Variants in CDH13 observed in about 807,000 individuals in gnomAD.
CDH13 encodes cadherin 13.
A neutral mutation model predicts 63.8 loss-of-function variants in CDH13; 24 were observed. The observed-to-expected ratio is 0.38, with a 90% CI of 0.27 to 0.53. The LOEUF is 0.53. Ranked by LOEUF, CDH13 falls within the 20% of genes least tolerant of loss-of-function variation. CDH13 has a pLI of 0.85. For synonymous variants in CDH13, 503 were observed against 355.3 expected, an observed-to-expected ratio of 1.42 and a Z score of -4.67; for missense variants, 1,049 against 903.1, an observed-to-expected ratio of 1.16 and a Z score of -2.07.
chr16:83,311,978 C>G (rs1406288495), intron 5 of CDH13, among the ~76,000 whole-genome samples: 1 of 146,794 alleles, frequency 6.8e-6, no homozygotes, highest in African/African-American at 2.5e-5. Flanking sequence ...GAGGCTGCGG[C>G]AGGAGAATCA....
chr16:82,936,958 G>A (rs1017691150), intron 2 of CDH13, among the ~76,000 whole-genome samples: 14 of 152,138 alleles, frequency 9.2e-5, no homozygotes, highest in Admixed American at 5.2e-4. Flanking sequence ...GGCCTCTGGG[G>A]TCATGGTCCT....
At chr16:83,024,757 A>ACAAT (rs1567755048) in intron 2 of CDH13, among the ~76,000 whole-genome samples, 1 of 152,240 alleles carries the variant, frequency 6.6e-6, no homozygotes, top group Non-Finnish European at 1.5e-5. Context: ...GTCTTCACCA[A>ACAAT]CAATCCGTTT....
chr16:83,592,769 T>C (rs1906884481), intron 7 of CDH13, among the ~76,000 whole-genome samples: 1 of 151,654 alleles, frequency 6.6e-6, no homozygotes, highest in Non-Finnish European at 1.5e-5. Flanking sequence ...CAGCCACGAA[T>C]GCAAAAATAA....
intron 4 of CDH13, among the ~76,000 whole-genome samples, chr16:83,160,809 T>C (rs1388556555): frequency 1.3e-5 from 2 of 152,216 alleles, no homozygotes; most frequent in African/African-American, 2.4e-5. Context: ...GCAACCTGCA[T>C]TTTTAAAGGA....
chr16:82,722,795 G>C (rs866730900), intron 1 of CDH13, among the ~76,000 whole-genome samples: 6 of 152,128 alleles, frequency 3.9e-5, no homozygotes, highest in Non-Finnish European at 8.8e-5. Context: ...AGGGTACCAG[G>C]GATGCAGATA....
chr16:83,110,947 A>G (rs1345396525), intron 3 of CDH13, among the ~76,000 whole-genome samples: 3 of 147,064 alleles, frequency 2.0e-5, no homozygotes, highest in African/African-American at 5.0e-5. Context: ...AAAATGGTCA[A>G]TAAATATCTG....
Position 82,964,585 on chromosome 16 carries a change from ACAT to A in CDH13, c.158-67421_158-67419del, listed in dbSNP as rs552497907. On this transcript the variant is annotated intron_variant, in intron 2 of 13. Transcript: ENST00000567109. ...GGATTTAAGTGGGTGAGCTTTATCAACATCATTCTCCTTATTTGAAATAAAAGA... is the reference window on the plus strand; with the variant it reads ...GGATTTAAGTGGGTGAGCTTTATCAACATTCTCCTTATTTGAAATAAAAGA... Among the ~76,000 whole-genome samples the A allele has an allele frequency of 8.8e-4, 134 of 152,358 alleles. 1 individual carries two copies. Among genetic ancestry groups the A allele is most frequent in the Non-Finnish European group, 1.1e-3 (74 of 68,034 alleles).
rs375525612 is a variant in CDH13, at chr16:83,422,525, C to T, written c.782-63952C>T. 5.9e-5 allele frequency among the ~76,000 whole-genome samples: 9 copies of T among 152,116 alleles called. No individual in the cohort carries two copies. In the East Asian group the frequency reaches 7.7e-4, roughly 13 times the overall value. On this transcript the variant is annotated intron_variant, in intron 6 of 13. Coordinates refer to ENST00000567109, the MANE Select transcript of CDH13 (RefSeq NM_001257.5). ...ACAGAAAAGAGTTTAATTTCTTGCA[C>T]GAATTAATTAATACTTACGATAAAT...
chr16:82,927,832 A>G (rs1331813256), intron 2 of CDH13, among the ~76,000 whole-genome samples: 2 of 152,232 alleles, frequency 1.3e-5, no homozygotes, highest in Non-Finnish European at 2.9e-5. Flanking sequence ...TGAGTGAATG[A>G]GTGACCAGTG....
At chr16:83,158,655 G>T (rs1156529658) in intron 4 of CDH13, among the ~76,000 whole-genome samples, 2 of 152,244 alleles carry the variant, frequency 1.3e-5, no homozygotes, top group Non-Finnish European at 1.5e-5. Context: ...CTGCTGCAGA[G>T]CCACGTTAAA....
intron 8 of CDH13, among the ~76,000 whole-genome samples, chr16:83,627,600 G>C (rs1449593391): frequency 1.3e-5 from 2 of 152,092 alleles, no homozygotes; most frequent in Non-Finnish European, 2.9e-5. Context: ...ACCCAGGCTG[G>C]AGTGCAGTGG....
At chr16:83,455,869 A>C (rs2073011890) in intron 6 of CDH13, among the ~76,000 whole-genome samples, 1 of 152,204 alleles carries the variant, frequency 6.6e-6, no homozygotes, top group Non-Finnish European at 1.5e-5. Context: ...CAAATCACTA[A>C]TTAAATTTCA....
intron 5 of CDH13, among the ~76,000 whole-genome samples, chr16:83,294,584 A>G (rs191280549): frequency 7.0e-6 from 1 of 142,566 alleles, no homozygotes; most frequent in Admixed American, 7.3e-5. Context: ...CTCATATAAT[A>G]TATACATATA....
At chr16:83,305,215 C>T (rs1451305486) in intron 5 of CDH13, among the ~76,000 whole-genome samples, 1 of 152,146 alleles carries the variant, frequency 6.6e-6, no homozygotes, top group African/African-American at 2.4e-5. Context: ...ATCCTCATTT[C>T]AGTGTCAGAA....
At chr16:82,791,952 C>G (rs1174297282) in intron 1 of CDH13, among the ~76,000 whole-genome samples, 1 of 152,134 alleles carries the variant, frequency 6.6e-6, no homozygotes, top group Non-Finnish European at 1.5e-5. Flanking sequence ...ATCTTGGGAG[C>G]TCTAAGAACA....
At chr16:83,614,685 A>C (rs1388953775) in intron 8 of CDH13, among the ~76,000 whole-genome samples, 2 of 152,222 alleles carry the variant, frequency 1.3e-5, no homozygotes, top group African/African-American at 4.8e-5. Context: ...GTCAGGAAGA[A>C]GCTTTCCCCA....
intron 2 of CDH13, among the ~76,000 whole-genome samples, chr16:82,927,333 C>T (rs999471529): frequency 2.0e-5 from 3 of 152,106 alleles, no homozygotes; most frequent in African/African-American, 7.2e-5. Context: ...TACCTTGCAT[C>T]GTGAGCATGA....
At chr16:83,497,826 C>A (rs2074182391) in intron 7 of CDH13, among the ~76,000 whole-genome samples, 1 of 152,160 alleles carries the variant, frequency 6.6e-6, no homozygotes, top group South Asian at 2.1e-4. Context: ...CTGACTGCAG[C>A]ATGTTATCAT....
At chr16:83,096,389 C>G (rs2034194163) in intron 3 of CDH13, among the ~76,000 whole-genome samples, 1 of 152,288 alleles carries the variant, frequency 6.6e-6, no homozygotes, top group Middle Eastern at 3.4e-3. Context: ...ATCTTAATTC[C>G]CCTGTTCCTG....
Sources: gnomAD v4.1 joint callset for allele counts (sites outside exome capture counted in the v4.1 genomes callset) on GRCh38, gnomAD v4.1.1 for gene constraint, MANE v1.5 for transcripts, NCBI Gene and HGNC (gene_info 2026-07-23, HGNC 2026-07-21) for gene names.